DOCK8: variants seen among roughly 807,000 people sequenced by gnomAD.
The protein encoded by DOCK8 is dedicator of cytokinesis 8.
Under a neutral mutation model 245.6 loss-of-function variants are expected in DOCK8, and 141 were observed. The observed-to-expected ratio is 0.57, with a 90% CI of 0.50 to 0.66. DOCK8 has a LOEUF of 0.66. Among genes scored for constraint, DOCK8 ranks in the 30% least tolerant of loss-of-function variants. The pLI, the probability that DOCK8 is intolerant of heterozygous loss-of-function variation, is 0.00. For missense variants in DOCK8, 2,965 were observed against 2,603.4 expected (o/e 1.14, Z -3.02); for synonymous variants, 1,168 against 970.2 (o/e 1.20, Z -3.79).
intron 4 of DOCK8, among the ~76,000 whole-genome samples, chr9:297,393 G>A (rs516542): frequency 0.54 from 82,330 of 151,680 alleles, 22,635 homozygotes; most frequent in East Asian, 0.75. Flanking sequence ...CTCTCAAAAC[G>A]CGCTTGGTCT....
chr9:396,642 G>C (rs1187701757), intron 24 of DOCK8, 143 bp from the exon 25 acceptor site: 1 of 1,149,444 alleles, frequency 8.7e-7, no homozygotes, highest in Non-Finnish European at 1.3e-6. Flanking sequence ...TTAGTCCAGA[G>C]CTTGCTCGGG....
At chr9:412,579 G>C (rs531985874) in intron 28 of DOCK8, among the ~76,000 whole-genome samples, 1 of 151,960 alleles carries the variant, frequency 6.6e-6, no homozygotes, top group Admixed American at 6.6e-5. Flanking sequence ...CATGGTATAA[G>C]ATCAACATAC....
At position 382,696 on chromosome 9, in the gene DOCK8, T is replaced by C. The variant is rs746115043; in HGVS notation, c.2778+11T>C. 1 of 1,614,066 alleles carries C rather than the reference T, an allele frequency of 6.2e-7. No homozygotes were observed. On this transcript the variant is annotated intron_variant, in intron 22 of 47. Coordinates refer to ENST00000432829, the MANE Select transcript of DOCK8 (RefSeq NM_203447.4). ...ATCATGTCTTCAAAGGTAGGAAAGA[T>C]GTCAAACCGTGGAAGGGGACACAGG...
intron 26 of DOCK8, among the ~76,000 whole-genome samples, chr9:400,253 T>TCAC (rs1302962547): frequency 1.9e-3 from 37 of 19,002 alleles, no homozygotes; most frequent in Non-Finnish European, 2.3e-3. Context: ...ACCTCCACCA[T>TCAC]CACCACCACC....
At chr9:463,457 C>G (rs2057868474) in intron 46 of DOCK8, 60 bp from the exon 47 acceptor site, 1 of 1,589,928 alleles carries the variant, frequency 6.3e-7, no homozygotes, top group African/African-American at 1.4e-5. Context: ...TTTCATTGTT[C>G]TCAGATTTCT....
At chr9:407,754 C>T (rs1035761101) in intron 28 of DOCK8, among the ~76,000 whole-genome samples, 5 of 152,118 alleles carry the variant, frequency 3.3e-5, no homozygotes, top group Non-Finnish European at 7.4e-5. Context: ...TTATTCATTC[C>T]GTTCAACAAT....
intron 46 of DOCK8, among the ~76,000 whole-genome samples, chr9:457,710 A>G (rs2057683737): frequency 6.6e-6 from 1 of 152,232 alleles, no homozygotes; most frequent in Admixed American, 6.5e-5. Context: ...AGACTAGAAT[A>G]CAGCATCTCT....
At position 435,938 on chromosome 9, in the gene DOCK8, G is replaced by A. The variant is rs138993873; in HGVS notation, c.5079+963G>A. On this transcript the variant is annotated intron_variant, in intron 39 of 47. Coordinates refer to ENST00000432829, the MANE Select transcript of DOCK8 (RefSeq NM_203447.4). ...GTGTTTTTCAAGCCAGACTCACGAA[G>A]TCATTTACAAGGGTTTGTATTATTC... Among the ~76,000 whole-genome samples, 182 of 152,318 alleles carry A rather than the reference G, an allele frequency of 1.2e-3. 2 individuals are homozygous for A. Among genetic ancestry groups the A allele is most frequent in the African/African-American group, 4.1e-3 (171 of 41,574 alleles).
At chr9:296,790 A>T (rs1040126160) in intron 4 of DOCK8, among the ~76,000 whole-genome samples, 1 of 152,212 alleles carries the variant, frequency 6.6e-6, no homozygotes, top group Admixed American at 6.5e-5. Context: ...AACAAAGAGC[A>T]ATCCAGCTGT....
intron 40 of DOCK8, among the ~76,000 whole-genome samples, chr9:439,803 G>A (rs2131798266): frequency 6.6e-6 from 1 of 152,166 alleles, no homozygotes; most frequent in East Asian, 1.9e-4. Flanking sequence ...GAGGAGAGAG[G>A]AGGAATACAC....
At position 429,714 on chromosome 9, in the gene DOCK8, C is replaced by G. The variant is rs757148896; in HGVS notation, c.4486C>G (p.Leu1496Val). The change falls in exon 36 of 48, where the codon CTC (leucine) becomes GTC (valine). Residue 1496 changes from leucine to valine, a missense_variant. Leu to Val is a conservative substitution (Grantham distance 32). Coordinates refer to ENST00000432829, the MANE Select transcript of DOCK8 (RefSeq NM_203447.4). ...ATGTCTCTCCTAGTTTGGAGACTTACTCTTTGAAGAGGAGGTGGAACAGTG... is the reference window on the plus strand; with the variant it reads ...ATGTCTCTCCTAGTTTGGAGACTTAGTCTTTGAAGAGGAGGTGGAACAGTG... The part of the protein sequence containing the change: ...RALIAKFGDL[L>V]FEEEVEQCFD... The G allele has an allele frequency of 6.2e-7, 1 of 1,614,224 alleles. No individual in the cohort carries two copies. The highest frequency in any genetic ancestry group is 8.5e-7 in the Non-Finnish European group (1 of 1,180,054).
At chr9:421,242 C>T (rs1006536305) in intron 32 of DOCK8, among the ~76,000 whole-genome samples, 164 bp downstream of exon 32, 7 of 152,160 alleles carry the variant, frequency 4.6e-5, no homozygotes, top group Non-Finnish European at 1.0e-4. Flanking sequence ...TTTGTGTTAG[C>T]CCTGTGCCTG....
rs568054232 is a variant in DOCK8, at chr9:429,943, G to T, written c.4626+89G>T. The T allele has an allele frequency of 5.8e-5, 86 of 1,484,106 alleles. No homozygotes were observed. The African/African-American group carries it at 1.1e-3, about 19-fold the overall frequency. 91.9% of individuals were successfully genotyped at this position (1,484,106 alleles called of 1,614,324 possible). On this transcript the variant is annotated intron_variant, in intron 36 of 47. Transcript: ENST00000432829. ...CTGCGAAAAAAAATAAGGAAATTTT[G>T]CAGTATTGCAGTTTACTTCTGTCCT...
Position 400,372 on chromosome 9 carries a change from T to A in DOCK8, c.3234+1113T>A, listed in dbSNP as rs937818376. 4.4e-3 allele frequency among the ~76,000 whole-genome samples: 102 copies of A among 23,170 alleles called. 1 individual carries two copies. Among genetic ancestry groups the A allele is most frequent in the Admixed American group, 6.7e-3 (15 of 2,228 alleles). The allele number at this position is 23,170 out of a possible 152,430, so 15.2% of individuals were successfully genotyped here. A position where few individuals can be genotyped will look rare whatever the true frequency, so the allele number is the denominator to read the frequency against. On this transcript the variant is annotated intron_variant, in intron 26 of 47. Coordinates refer to ENST00000432829, the MANE Select transcript of DOCK8 (RefSeq NM_203447.4). ...CACCACCTCCTCCACCATCACCACCTCCTTCACCATCACCATCACCACCAC... is the reference window on the plus strand; with the variant it reads ...CACCACCTCCTCCACCATCACCACCACCTTCACCATCACCATCACCACCAC...
At chr9:334,434 GC>G in intron 11 of DOCK8, 50 bp downstream of exon 11, 1 of 1,590,964 alleles carries the variant, frequency 6.3e-7, no homozygotes, top group Non-Finnish European at 8.6e-7. Flanking sequence ...AGTGTGCGCT[GC>G]CCAGGTCCAC....
At chr9:327,013 C>G (rs779066801) in intron 8 of DOCK8, among the ~76,000 whole-genome samples, 13 of 152,194 alleles carry the variant, frequency 8.5e-5, no homozygotes, top group Non-Finnish European at 1.6e-4. Context: ...TCACATCATG[C>G]TCTTGCTCAG....
intron 14 of DOCK8, 126 bp downstream of exon 14, chr9:340,447 C>A: frequency 8.2e-7 from 1 of 1,221,486 alleles, no homozygotes; most frequent in East Asian, 2.6e-5. Flanking sequence ...ATGGCAAAAC[C>A]GTGTCTCTAC....
At chr9:287,419 C>G (rs917902736) in intron 3 of DOCK8, among the ~76,000 whole-genome samples, 1 of 152,104 alleles carries the variant, frequency 6.6e-6, no homozygotes, top group Non-Finnish European at 1.5e-5. Flanking sequence ...TTTTAAAAGC[C>G]AAATTAAGAT....
intron 4 of DOCK8, among the ~76,000 whole-genome samples, chr9:289,901 A>G (rs544529225): frequency 2.0e-5 from 3 of 152,216 alleles, no homozygotes; most frequent in Non-Finnish European, 4.4e-5. Context: ...ATGTGTAATG[A>G]CATGTATATG....
Sources: gnomAD v4.1 joint callset for allele counts (sites outside exome capture counted in the v4.1 genomes callset) on GRCh38, gnomAD v4.1.1 for gene constraint, MANE v1.5 for transcripts, NCBI Gene and HGNC (gene_info 2026-07-23, HGNC 2026-07-21) for gene names.